Variants in RHOBTB2 observed in about 807,000 individuals in gnomAD.
RHOBTB2 encodes the protein Rho related BTB domain containing 2.
RHOBTB2 carries 39 observed loss-of-function variants against 66.5 expected under a neutral mutation model. That is an observed-to-expected ratio of 0.59 (90% CI 0.45 to 0.77). The LOEUF (loss-of-function observed/expected upper bound fraction) is 0.77, where lower values mean the gene tolerates loss of function less well. Among genes scored for constraint, RHOBTB2 ranks in the 30% least tolerant of loss-of-function variants. RHOBTB2 has a pLI of 0.00. For missense variants in RHOBTB2, 755 were observed against 999.1 expected, an observed-to-expected ratio of 0.76 and a Z score of 3.29; for synonymous variants, 390 against 395.0, an observed-to-expected ratio of 0.99 and a Z score of 0.15.
At chr8:22,985,781 C>T (rs902817454), upstream of RHOBTB2, among the ~76,000 whole-genome samples, 2 of 152,156 alleles carry the variant, frequency 1.3e-5, no homozygotes, top group Non-Finnish European at 2.9e-5. Context: ...ACTCCAATGC[C>T]CCTGACCTGG....
rs1810946128 is a variant in RHOBTB2 at position 23,006,225 on chromosome 8, A to G, written c.482+80A>G. ...CCCTGCTCAGCCCTGGGGGAATTCC[A>G]CTGAGCCTCATATCTCTCCCTCCAT... On this transcript the variant is annotated intron_variant, in intron 4 of 9. Transcript: ENST00000251822. The surrounding 1 kb of genome is among the most constrained non-coding windows in gnomAD (Gnocchi z 6.1). The G allele has an allele frequency of 1.6e-6, 2 of 1,235,040 alleles. No homozygotes were observed. Among genetic ancestry groups the G allele is most frequent in the African/African-American group, 1.5e-5 (1 of 66,720 alleles). 76.5% of individuals were successfully genotyped at this position (1,235,040 alleles called of 1,614,324 possible). A position where few individuals can be genotyped will look rare whatever the true frequency, so the allele number is the denominator to read the frequency against.
At chr8:22,993,131 T>A (rs1810464795) in intron 2 of RHOBTB2, among the ~76,000 whole-genome samples, 1 of 152,176 alleles carries the variant, frequency 6.6e-6, no homozygotes, top group African/African-American at 2.4e-5. Flanking sequence ...AAGGTGCGCA[T>A]GGGATTTATG....
the RHOBTB2 span, among the ~76,000 whole-genome samples, chr8:22,979,787 C>G: frequency 1.8e-5 from 2 of 114,222 alleles, no homozygotes; most frequent in Non-Finnish European, 3.3e-5. Context: ...GTGACAGAGT[C>G]TCACTCTGTC....
At chr8:23,001,163 G>A (rs1810767236) in intron 1 of RHOBTB2, among the ~76,000 whole-genome samples, 1 of 152,192 alleles carries the variant, frequency 6.6e-6, no homozygotes, top group African/African-American at 2.4e-5. Context: ...ACACATGCCA[G>A]TGACTTTGCG....
At position 23,006,036 on chromosome 8, in the gene RHOBTB2, G is replaced by A; in HGVS notation, c.373G>A (p.Glu125Lys). 1 of 1,613,972 alleles carries A rather than the reference G, an allele frequency of 6.2e-7. No individual in the cohort carries two copies. Among genetic ancestry groups the A allele is most frequent in the Non-Finnish European group, 8.5e-7 (1 of 1,179,980 alleles). Reference protein sequence around the residue: ...LHHVKTMWYPEIKHFCPRAPV... With the variant: ...LHHVKTMWYPKIKHFCPRAPV... The stretch of plus-strand genomic sequence containing the variant: ...CCATGTCAAGACCATGTGGTACCCA[G>A]AAATCAAGCACTTCTGCCCCCGAGC... The change falls in exon 4 of 10, where the codon GAA (glutamate) becomes AAA (lysine). Residue 125 changes from glutamate to lysine, a missense_variant. This residue lies in a region of RHOBTB2 where 33 missense variants were observed against 36.0 expected (regional missense o/e 0.92). Coordinates refer to ENST00000251822, the MANE Select transcript of RHOBTB2 (RefSeq NM_015178.3). This position sits in a 1 kb window ranked among gnomAD's most constrained non-coding sequence, Gnocchi z 6.1.
chr8:22,969,119 G>A, the RHOBTB2 span, among the ~76,000 whole-genome samples: 8 of 152,290 alleles, frequency 5.3e-5, no homozygotes, highest in Middle Eastern at 3.4e-3. Context: ...CAATCATGGC[G>A]GAAGGTGAAA....
chr8:22,957,419 G>C, the RHOBTB2 span, among the ~76,000 whole-genome samples: 1 of 152,192 alleles, frequency 6.6e-6, no homozygotes. Flanking sequence ...ACACATCCCT[G>C]ATTTGGGCTT....
chr8:23,002,716 T>C (rs1810820943), intron 1 of RHOBTB2, among the ~76,000 whole-genome samples: 1 of 151,876 alleles, frequency 6.6e-6, no homozygotes, highest in Admixed American at 6.6e-5. Context: ...CAAAAAACGG[T>C]TGTCTGCTGA....
the RHOBTB2 span, among the ~76,000 whole-genome samples, chr8:22,981,126 G>A: frequency 6.6e-6 from 1 of 152,152 alleles, no homozygotes; most frequent in Non-Finnish European, 1.5e-5. Context: ...TTCTATTTCA[G>A]TACATATAAA....
the RHOBTB2 span, among the ~76,000 whole-genome samples, chr8:22,954,118 T>C: frequency 6.6e-6 from 1 of 152,160 alleles, no homozygotes; most frequent in Non-Finnish European, 1.5e-5. Flanking sequence ...AGACATAAAA[T>C]GAACACATGG....
chr8:23,016,183 C>T (rs1219576403), intron 9 of RHOBTB2, among the ~76,000 whole-genome samples: 1 of 152,132 alleles, frequency 6.6e-6, no homozygotes, highest in Non-Finnish European at 1.5e-5. Flanking sequence ...CCTCCTGTCT[C>T]TTCTTGATTA....
chr8:22,969,038 C>A, the RHOBTB2 span, among the ~76,000 whole-genome samples: 1 of 152,116 alleles, frequency 6.6e-6, no homozygotes, highest in African/African-American at 2.4e-5. Context: ...AACACATACC[C>A]GAGACTGGGT....
upstream of RHOBTB2, among the ~76,000 whole-genome samples, chr8:22,983,842 C>A (rs1465240462): frequency 6.6e-6 from 1 of 152,126 alleles, no homozygotes; most frequent in Non-Finnish European, 1.5e-5. Context: ...TCAAGCAATC[C>A]TCCTGCCTCA....
At chr8:22,975,975 G>A in the RHOBTB2 span, among the ~76,000 whole-genome samples, 8 of 151,978 alleles carry the variant, frequency 5.3e-5, no homozygotes, top group Non-Finnish European at 1.2e-4. Flanking sequence ...GTGAAACACC[G>A]TCTCTACTAA....
At chr8:22,957,762 G>A in the RHOBTB2 span, among the ~76,000 whole-genome samples, 7 of 152,156 alleles carry the variant, frequency 4.6e-5, no homozygotes, top group Non-Finnish European at 8.8e-5. Flanking sequence ...GTAAGAGTAC[G>A]TTCATTTACA....
chr8:22,975,620 TG>T, the RHOBTB2 span, among the ~76,000 whole-genome samples: 10 of 152,188 alleles, frequency 6.6e-5, no homozygotes, highest in Non-Finnish European at 1.0e-4. Flanking sequence ...ACCTGACGGA[TG>T]GGCAGAAACT....
the RHOBTB2 span, among the ~76,000 whole-genome samples, chr8:22,953,710 G>A: frequency 6.6e-6 from 1 of 152,242 alleles, no homozygotes. Context: ...CATTTGTTGA[G>A]TTGAGTGGAT....
chr8:22,961,589 C>T, the RHOBTB2 span, among the ~76,000 whole-genome samples: 1 of 152,130 alleles, frequency 6.6e-6, no homozygotes, highest in African/African-American at 2.4e-5. Flanking sequence ...TCGTAAGGTA[C>T]ATCATTGATG....
chr8:22,961,382 T>A, the RHOBTB2 span, among the ~76,000 whole-genome samples: 1 of 152,138 alleles, frequency 6.6e-6, no homozygotes, highest in African/African-American at 2.4e-5. Flanking sequence ...GCTGTTTCTG[T>A]CCCTCTCTTC....
Sources: allele counts gnomAD v4.1 joint callset (sites outside exome capture counted in the v4.1 genomes callset), GRCh38; gene constraint gnomAD v4.1.1; regional missense constraint gnomAD v4.1.1; non-coding constraint Gnocchi (gnomAD v3.1); transcripts MANE v1.5; gene names NCBI Gene and HGNC (gene_info 2026-07-23, HGNC 2026-07-21).